Variants in TENM1 observed in about 807,000 individuals in gnomAD.
The protein encoded by TENM1 is teneurin-1.
Under a neutral mutation model 174.8 loss-of-function variants are expected in TENM1, and 35 were observed. That is an observed-to-expected ratio of 0.20 (90% CI 0.15 to 0.27). The LOEUF (loss-of-function observed/expected upper bound fraction) is 0.27, where lower values mean the gene tolerates loss of function less well. TENM1 is among the 10% of genes least tolerant of loss of function. The pLI, the probability that TENM1 is intolerant of heterozygous loss-of-function variation, is 1.00. For missense variants in TENM1, 1,633 were observed against 2,130.1 expected (o/e 0.77, Z 4.59); for synonymous variants, 781 against 798.7 (o/e 0.98, Z 0.37).
chrX:124,937,987 C>T (rs1392715360), intron 1 of TENM1, among the ~76,000 whole-genome samples: 1 of 111,560 alleles, frequency 9.0e-6, no homozygotes, highest in Non-Finnish European at 1.9e-5. Context: ...AAATTATTAA[C>T]ATTTTTCACT....
intron 1 of TENM1, among the ~76,000 whole-genome samples, chrX:124,930,984 G>A (rs957993804): frequency 2.7e-5 from 3 of 111,566 alleles, no homozygotes; most frequent in Non-Finnish European, 5.6e-5. Context: ...GCTATGAATA[G>A]ACACGAGGGA....
chrX:124,721,024 A>G (rs546974099), intron 4 of TENM1, among the ~76,000 whole-genome samples: 1 of 112,310 alleles, frequency 8.9e-6, no homozygotes. Flanking sequence ...CAAGTCACAG[A>G]ATGACAGAGA....
At chrX:124,955,804 C>A (rs377434437) in intron 1 of TENM1, among the ~76,000 whole-genome samples, 8 of 93,743 alleles carry the variant, frequency 8.5e-5, no homozygotes, top group African/African-American at 4.4e-4. Context: ...CACGCACACA[C>A]ACACACACAC....
intron 23 of TENM1, among the ~76,000 whole-genome samples, chrX:124,440,857 T>G (rs1409443768): frequency 1.8e-5 from 2 of 111,563 alleles, no homozygotes; most frequent in East Asian, 5.6e-4. Flanking sequence ...CATCTCATGC[T>G]CTGTGACAGC....
chrX:124,977,999 A>T, the TENM1 span, among the ~76,000 whole-genome samples: 4 of 101,407 alleles, frequency 3.9e-5, no homozygotes, highest in South Asian at 4.6e-4. Context: ...AGAGAGAGAG[A>T]GAGAGAGAGA....
chrX:124,712,425 T>A, intron 4 of TENM1, among the ~76,000 whole-genome samples: 1 of 111,745 alleles, frequency 8.9e-6, no homozygotes, highest in Middle Eastern at 4.6e-3. Context: ...ATTGTGGTTT[T>A]GATTTGCATG....
chrX:124,385,730 G>C, exon 29 of TENM1: 1 of 1,209,767 alleles, frequency 8.3e-7, no homozygotes, highest in Non-Finnish European at 1.1e-6. Context: ...CAGGTGTATT[G>C]TCTTAATCAC....
intron 1 of TENM1, among the ~76,000 whole-genome samples, chrX:124,920,008 T>C (rs998579410): frequency 9.0e-6 from 1 of 111,117 alleles, no homozygotes; most frequent in Non-Finnish European, 1.9e-5. Context: ...CAAAAATGCT[T>C]CCTCGATGTC....
the TENM1 span, among the ~76,000 whole-genome samples, chrX:125,010,760 G>A: frequency 9.4e-6 from 1 of 106,140 alleles, no homozygotes; most frequent in East Asian, 3.0e-4. Flanking sequence ...CTTGCAGGGA[G>A]CCGAGATCGC....
the TENM1 span, among the ~76,000 whole-genome samples, chrX:125,006,732 C>T: frequency 1.8e-5 from 2 of 111,283 alleles, no homozygotes; most frequent in African/African-American, 6.5e-5. Flanking sequence ...AACAGGGTCT[C>T]GAGTGGACAC....
At chrX:124,637,917 G>T (rs1010764368) in intron 11 of TENM1, among the ~76,000 whole-genome samples, 4 of 112,270 alleles carry the variant, frequency 3.6e-5, no homozygotes, top group African/African-American at 1.3e-4. Context: ...GTTTTGACTA[G>T]TGCAGTAGTT....
At chrX:124,453,985 GT>G (rs1490650538) in intron 22 of TENM1, among the ~76,000 whole-genome samples, 2 of 111,230 alleles carry the variant, frequency 1.8e-5, no homozygotes, top group African/African-American at 3.3e-5. Flanking sequence ...ACCGGGCTGA[GT>G]TTTTTTCTCC....
intron 18 of TENM1, among the ~76,000 whole-genome samples, chrX:124,512,410 G>A (rs774888628): frequency 9.0e-6 from 1 of 111,386 alleles, no homozygotes; most frequent in African/African-American, 3.3e-5. Context: ...TATTTAAAAC[G>A]CTCACATGGA....
Position 124,600,225 on chromosome X carries a change from G to C in TENM1, c.2078-34665C>G, listed in dbSNP as rs780818059. On this transcript the variant is annotated intron_variant, in intron 11 of 31. Transcript: ENST00000422452. ...ATGCCTGATTCCAGGCACAGGGCAG[G>C]GAAAGTGCAAGGTGAGACTGGAATA... 4.5e-5 allele frequency among the ~76,000 whole-genome samples: 5 copies of C among 110,210 alleles called. No individual in the cohort carries two copies. The South Asian group carries it at 2.0e-3, about 44-fold the overall frequency.
intron 11 of TENM1, among the ~76,000 whole-genome samples, chrX:124,614,066 T>C (rs751386339): frequency 2.7e-5 from 3 of 111,464 alleles, no homozygotes; most frequent in East Asian, 5.7e-4. Flanking sequence ...AAAGGACAAC[T>C]GTTTTCTGGG....
the TENM1 span, among the ~76,000 whole-genome samples, chrX:125,200,802 A>G: frequency 9.0e-6 from 1 of 111,179 alleles, no homozygotes; most frequent in African/African-American, 3.3e-5. Flanking sequence ...AAATAAATGC[A>G]TAAATAATAA....
At chrX:124,790,886 C>G (rs771358560) in intron 3 of TENM1, among the ~76,000 whole-genome samples, 8 of 110,268 alleles carry the variant, frequency 7.3e-5, no homozygotes, top group Non-Finnish European at 1.5e-4. Flanking sequence ...AGGTAATGTC[C>G]ACAATAGAAA....
chrX:124,639,414 G>A (rs7059992), intron 11 of TENM1, among the ~76,000 whole-genome samples: 3,694 of 111,895 alleles, frequency 0.033, 161 homozygotes, highest in African/African-American at 0.11. Flanking sequence ...TGACTGTAAG[G>A]CTTCTTCTCA....
rs139428681 is a variant in TENM1, at chrX:124,890,154, G to T, written c.535+4142C>A. On this transcript the variant is annotated intron_variant, in intron 3 of 31. Coordinates refer to ENST00000422452, the Ensembl canonical transcript of TENM1. ...AATACTTTTTCACTACCTAGAAAAT[G>T]TGTTTCCATTTAGCTTCTTGATAAA... Among the ~76,000 whole-genome samples the T allele has an allele frequency of 4.5e-3, 500 of 112,220 alleles. 4 individuals are homozygous for T. Among genetic ancestry groups the T allele is most frequent in the African/African-American group, 0.016 (485 of 30,945 alleles).
Sources: allele counts gnomAD v4.1 joint callset (sites outside exome capture counted in the v4.1 genomes callset), GRCh38; gene constraint gnomAD v4.1.1; transcripts MANE v1.5; gene names NCBI Gene and HGNC (gene_info 2026-07-23, HGNC 2026-07-21).